C16orf74: variants seen among roughly 807,000 people sequenced by gnomAD.
The protein encoded by C16orf74 is uncharacterized protein C16orf74.
C16orf74 carries 10 observed loss-of-function variants against 6.5 expected under a neutral mutation model. The observed-to-expected ratio is 1.54, with a 90% confidence interval of 0.95 to 2.61. C16orf74 has a LOEUF of 2.61. Ranked by LOEUF, C16orf74 falls within the 30% of genes most tolerant of loss-of-function variation. C16orf74 has a pLI of 0.00. For missense variants in C16orf74, 141 were observed against 105.9 expected, an observed-to-expected ratio of 1.33 and a Z score of -1.45; for synonymous variants, 60 against 42.5, an observed-to-expected ratio of 1.41 and a Z score of -1.60.
intron 2 of C16orf74, among the ~76,000 whole-genome samples, chr16:85,731,649 G>A (rs1366691042): frequency 6.6e-6 from 1 of 152,036 alleles, no homozygotes; most frequent in East Asian, 1.9e-4. Flanking sequence ...GAGCCTGTGA[G>A]TGGGAATCTG....
At chr16:85,749,931 C>T (rs769701147) in intron 1 of C16orf74, among the ~76,000 whole-genome samples, 66 of 152,308 alleles carry the variant, frequency 4.3e-4, no homozygotes, top group Middle Eastern at 3.4e-3. Context: ...TCCACAGGAC[C>T]GGGTCCCCAG....
intron 2 of C16orf74, among the ~76,000 whole-genome samples, chr16:85,713,475 G>A (rs916362896): frequency 1.3e-5 from 2 of 152,166 alleles, no homozygotes; most frequent in African/African-American, 4.8e-5. Context: ...GTCTCACCAT[G>A]TTGGCCAGGC....
chr16:85,708,043 A>T lies in C16orf74; in HGVS notation c.196T>A (p.Cys66Ser). The T allele has an allele frequency of 6.4e-7, 1 of 1,553,438 alleles. No individual in the cohort carries two copies. Among genetic ancestry groups the T allele is most frequent in the Non-Finnish European group, 8.7e-7 (1 of 1,147,942 alleles). ...GGGTCGATTTCTCCATCATCTGGGC[A>T]CGACCCTGTCTCATCCAGCCAGACT... ...STVWLDETGS[C>S]PDDGEIDPEA The change falls in exon 4 of 4, where the codon TGC becomes AGC. Residue 66 changes from cysteine to serine, a missense_variant. Coordinates refer to ENST00000284245, the MANE Select transcript of C16orf74 (RefSeq NM_206967.3).
intron 1 of C16orf74, 136 bp downstream of exon 1, chr16:85,750,790 C>T (rs914879331): frequency 6.6e-6 from 1 of 152,214 alleles, no homozygotes; most frequent in East Asian, 1.9e-4. Context: ...CGTGGGTCTC[C>T]CACCGACCCC....
intron 2 of C16orf74, among the ~76,000 whole-genome samples, chr16:85,732,665 C>CA (rs66539936): frequency 0.2 from 8,923 of 43,918 alleles, 1,418 homozygotes; most frequent in Middle Eastern, 0.34. Context: ...GACTCTGTCT[C>CA]AAAAAAAAAA....
chr16:85,709,764 G>A (rs2053949111), intron 3 of C16orf74, among the ~76,000 whole-genome samples: 1 of 152,338 alleles, frequency 6.6e-6, no homozygotes, highest in African/African-American at 2.4e-5. Context: ...CCCAGCCTGG[G>A]CACGAGCTGT....
intron 2 of C16orf74, among the ~76,000 whole-genome samples, chr16:85,731,994 G>C (rs61446922): frequency 6.6e-6 from 1 of 152,234 alleles, no homozygotes; most frequent in African/African-American, 2.4e-5. Context: ...CAGCCCCGCA[G>C]ATGTAATTGA....
intron 2 of C16orf74, among the ~76,000 whole-genome samples, chr16:85,713,596 C>T (rs1033118244): frequency 1.3e-5 from 2 of 152,214 alleles, no homozygotes; most frequent in Non-Finnish European, 2.9e-5. Flanking sequence ...TTGATAAGGA[C>T]ACCCGTCATA....
intron 1 of C16orf74, among the ~76,000 whole-genome samples, chr16:85,736,080 T>C (rs145002521): frequency 6.6e-6 from 1 of 152,138 alleles, no homozygotes; most frequent in African/African-American, 2.4e-5. Flanking sequence ...GCCTGTAGTG[T>C]GCAGAGATCC....
At chr16:85,735,955 G>C (rs920774911) in intron 1 of C16orf74, among the ~76,000 whole-genome samples, 11 of 152,106 alleles carry the variant, frequency 7.2e-5, no homozygotes, top group African/African-American at 2.7e-4. Context: ...ACAAAAATCA[G>C]GGCTCAGAGA....
At chr16:85,722,748 C>T (rs572739903) in intron 2 of C16orf74, among the ~76,000 whole-genome samples, 1 of 151,804 alleles carries the variant, frequency 6.6e-6, no homozygotes, top group Non-Finnish European at 1.5e-5. Context: ...GGGAAAGCCC[C>T]GGCCCAGGGC....
chr16:85,710,108 G>A (rs2053953393), intron 3 of C16orf74, 56 bp downstream of exon 3: 2 of 1,355,542 alleles, frequency 1.5e-6, no homozygotes, highest in Non-Finnish European at 1.9e-6. Context: ...CCTGAGAGCT[G>A]TCTCCACCGG....
intron 2 of C16orf74, among the ~76,000 whole-genome samples, chr16:85,711,758 T>A (rs1430034737): frequency 6.6e-6 from 1 of 152,184 alleles, no homozygotes; most frequent in East Asian, 1.9e-4. Context: ...GGGATTAAAT[T>A]AGCTCAAGTA....
At chr16:85,715,089 G>T (rs902721926) in intron 2 of C16orf74, among the ~76,000 whole-genome samples, 3 of 151,270 alleles carry the variant, frequency 2.0e-5, no homozygotes, top group African/African-American at 7.3e-5. Context: ...CCCGGGAGGC[G>T]GAGCTTGCAG....
intron 2 of C16orf74, among the ~76,000 whole-genome samples, chr16:85,720,096 T>C (rs2054067598): frequency 1.3e-5 from 2 of 152,210 alleles, no homozygotes; most frequent in South Asian, 2.1e-4. Context: ...CTTTGTGTTA[T>C]TATGGATGAG....
chr16:85,746,939 C>T (rs1438044788), intron 1 of C16orf74, among the ~76,000 whole-genome samples: 1 of 152,232 alleles, frequency 6.6e-6, no homozygotes, highest in South Asian at 2.1e-4. Context: ...TGCTTCCATC[C>T]TGGTCTTCAG....
intron 2 of C16orf74, among the ~76,000 whole-genome samples, chr16:85,725,276 C>G (rs1028182217): frequency 1.3e-5 from 2 of 152,114 alleles, no homozygotes; most frequent in African/African-American, 4.8e-5. Flanking sequence ...CAGAAGGTTC[C>G]AGAAAGAGCC....
chr16:85,726,253 G>A (rs948012202), intron 2 of C16orf74, among the ~76,000 whole-genome samples: 1 of 152,166 alleles, frequency 6.6e-6, no homozygotes, highest in African/African-American at 2.4e-5. Context: ...CTCCCCCATG[G>A]ACAGGAGCTC....
At chr16:85,728,641 C>T (rs987420198) in intron 2 of C16orf74, among the ~76,000 whole-genome samples, 1 of 152,236 alleles carries the variant, frequency 6.6e-6, no homozygotes, top group South Asian at 2.1e-4. Context: ...TGCAGAGGCC[C>T]CCGCACACCT....
Sources: allele counts gnomAD v4.1 joint callset (sites outside exome capture counted in the v4.1 genomes callset), GRCh38; gene constraint gnomAD v4.1.1; transcripts MANE v1.5; gene names NCBI Gene and HGNC (gene_info 2026-07-23, HGNC 2026-07-21).